Variants in C9orf153 observed in about 807,000 individuals in gnomAD.
The protein encoded by C9orf153 is chromosome 9 open reading frame 153, also known as uncharacterized protein C9orf153.
Under a neutral mutation model 9.0 loss-of-function variants are expected in C9orf153, and 10 were observed. That is an observed-to-expected ratio of 1.11 (90% CI 0.69 to 1.89). The LOEUF is 1.89. Ranked by LOEUF, C9orf153 falls within the 40% of genes most tolerant of loss-of-function variation. The pLI is 0.00. For synonymous variants in C9orf153, 35 were observed against 37.3 expected, an observed-to-expected ratio of 0.94 and a Z score of 0.23; for missense variants, 108 against 111.0, an observed-to-expected ratio of 0.97 and a Z score of 0.12.
At position 86,227,320 on chromosome 9, in the gene C9orf153, T is replaced by A. The variant is rs181012219; in HGVS notation, c.242+535A>T. On this transcript the variant is annotated intron_variant, in intron 3 of 3. Transcript: ENST00000339137. ...TGCCACCAAGCTCAGCTAATTTTTA[T>A]TTATTTATTTATTTATTTATTTATT... 1,744 of 1,430,434 alleles carry A rather than the reference T, an allele frequency of 1.2e-3. 2 individuals carry two copies. Among genetic ancestry groups the A allele is most frequent in the Non-Finnish European group, 1.5e-3 (1,633 of 1,103,104 alleles). 88.6% of individuals were successfully genotyped at this position (1,430,434 alleles called of 1,614,324 possible). A position where few individuals can be genotyped will look rare whatever the true frequency, so the allele number is the denominator to read the frequency against.
intron 1 of C9orf153, among the ~76,000 whole-genome samples, chr9:86,248,413 C>T (rs1049617691): frequency 4.6e-5 from 7 of 152,164 alleles, no homozygotes; most frequent in Non-Finnish European, 8.8e-5. Flanking sequence ...GGATTACAGG[C>T]GTGAGCCACC....
intron 1 of C9orf153, 61 bp from the exon 2 acceptor site, chr9:86,229,690 AG>A: frequency 1.0e-6 from 1 of 974,910 alleles, no homozygotes; most frequent in Non-Finnish European, 1.6e-6. Context: ...TAGAATACAA[AG>A]GGGGAGGTGA....
rs567798111 is a variant in C9orf153 at position 86,221,474 on chromosome 9, C to T, written c.*214G>A. On this transcript the variant is annotated 3_prime_UTR_variant, in exon 4 of 4. Coordinates refer to ENST00000339137, the MANE Select transcript of C9orf153 (RefSeq NM_001276366.4). ...CAATGCTCTCAAAAGCAAAAATCTA[C>T]GTCCAAAATATTTTAATACACTACA... 104 of 1,250,092 alleles carry T rather than the reference C, an allele frequency of 8.3e-5. No individual in the cohort carries two copies. Among genetic ancestry groups the T allele is most frequent in the South Asian group, 7.3e-4 (27 of 36,936 alleles). The allele number at this position is 1,250,092 out of a possible 1,614,324, so 77.4% of individuals were successfully genotyped here. A position where few individuals can be genotyped will look rare whatever the true frequency, so the allele number is the denominator to read the frequency against.
intron 1 of C9orf153, among the ~76,000 whole-genome samples, chr9:86,255,666 G>A (rs564770904): frequency 1.3e-5 from 2 of 152,078 alleles, no homozygotes; most frequent in South Asian, 4.1e-4. Context: ...CATTCTCTTC[G>A]TAACCTCAAG....
chr9:86,226,971 G>A (rs369345021), intron 3 of C9orf153, among the ~76,000 whole-genome samples: 3 of 152,016 alleles, frequency 2.0e-5, no homozygotes, highest in African/African-American at 7.2e-5. Context: ...TCACCATGTT[G>A]GCCAGGCTGG....
intron 3 of C9orf153, among the ~76,000 whole-genome samples, chr9:86,224,882 A>C (rs1429207578): frequency 7.0e-6 from 1 of 143,154 alleles, no homozygotes; most frequent in Non-Finnish European, 1.5e-5. Context: ...CAGAGGTAGC[A>C]GTGAGCCAAG....
intron 1 of C9orf153, among the ~76,000 whole-genome samples, chr9:86,239,808 C>A (rs912049175): frequency 6.6e-6 from 1 of 152,034 alleles, no homozygotes; most frequent in African/African-American, 2.4e-5. Flanking sequence ...TAAAAGAAAA[C>A]AAAAATCTAG....
chr9:86,236,488 G>A (rs1441107447), intron 1 of C9orf153, among the ~76,000 whole-genome samples: 1 of 149,172 alleles, frequency 6.7e-6, no homozygotes, highest in East Asian at 2.0e-4. Flanking sequence ...GGCAGAGGTT[G>A]CAGTGAGCCG....
intron 1 of C9orf153, among the ~76,000 whole-genome samples, chr9:86,238,969 A>C (rs199762077): frequency 5.2e-4 from 79 of 151,830 alleles, no homozygotes; most frequent in East Asian, 2.1e-3. Flanking sequence ...GTAAAAAAAA[A>C]AAACAAACAT....
At chr9:86,246,909 C>G (rs996399071) in intron 1 of C9orf153, among the ~76,000 whole-genome samples, 4 of 152,182 alleles carry the variant, frequency 2.6e-5, no homozygotes, top group Non-Finnish European at 4.4e-5. Flanking sequence ...GAGTAGCAAG[C>G]CATGGATGAA....
At position 86,229,191 on chromosome 9, in the gene C9orf153, C is replaced by A. The variant is rs371178062; in HGVS notation, c.66+347G>T. On this transcript the variant is annotated intron_variant, in intron 2 of 3. Coordinates refer to ENST00000339137, the MANE Select transcript of C9orf153 (RefSeq NM_001276366.4). ...GAGTTAAATAGTGTGATGTTTGGAC[C>A]GATATCATGAAATCTTTAGCCTGGA... 3.3e-5 allele frequency among the ~76,000 whole-genome samples: 5 copies of A among 149,526 alleles called. No homozygotes were observed. The Admixed American group carries it at 3.3e-4, about 10-fold the overall frequency.
intron 3 of C9orf153, among the ~76,000 whole-genome samples, chr9:86,224,935 C>T (rs183135072): frequency 1.5e-4 from 16 of 104,040 alleles, no homozygotes; most frequent in African/African-American, 4.7e-4. Flanking sequence ...AGCGAGACTC[C>T]GTCTCAAAAA....
chr9:86,259,072 C>T (rs1825189878), intron 1 of C9orf153, among the ~76,000 whole-genome samples: 1 of 151,814 alleles, frequency 6.6e-6, no homozygotes, highest in Admixed American at 6.6e-5. Context: ...TTCTGTCACC[C>T]CAGCTGGAGT....
At chr9:86,230,260 C>A (rs1824441192) in intron 1 of C9orf153, among the ~76,000 whole-genome samples, 1 of 152,152 alleles carries the variant, frequency 6.6e-6, no homozygotes, top group South Asian at 2.1e-4. Context: ...AGTTTTAATA[C>A]TAGTGTAACA....
chr9:86,230,592 C>G (rs192997501), intron 1 of C9orf153, among the ~76,000 whole-genome samples: 1 of 152,188 alleles, frequency 6.6e-6, no homozygotes, highest in African/African-American at 2.4e-5. Flanking sequence ...TGGGCCACCA[C>G]GCCCAGCTGG....
chr9:86,246,511 C>T (rs1046816648), intron 1 of C9orf153, among the ~76,000 whole-genome samples: 36 of 152,144 alleles, frequency 2.4e-4, no homozygotes, highest in African/African-American at 7.5e-4. Context: ...CCCTCGGGGC[C>T]GCAAGCAGCC....
intron 1 of C9orf153, among the ~76,000 whole-genome samples, chr9:86,242,860 G>A (rs1225843367): frequency 6.6e-6 from 1 of 151,974 alleles, no homozygotes; most frequent in African/African-American, 2.4e-5. Flanking sequence ...TGTATTTTTA[G>A]TAGAGACGGG....
rs1260295191 is a variant in C9orf153 at position 86,221,610 on chromosome 9, T to G, written c.*78A>C. On this transcript the variant is annotated 3_prime_UTR_variant, in exon 4 of 4. Transcript: ENST00000339137. ...AATAACGTCAGGCATGTCCTGGCTC[T>G]CTACAAATCTCTTCTCAGTGTTGTA... 2.2e-5 allele frequency: 33 copies of G among 1,497,706 alleles called. No individual in the cohort carries two copies. In the South Asian group the frequency reaches 3.1e-4, roughly 14 times the overall value. 92.8% of individuals were successfully genotyped at this position (1,497,706 alleles called of 1,614,324 possible). A position where few individuals can be genotyped will look rare whatever the true frequency, so the allele number is the denominator to read the frequency against.
chr9:86,221,903 G>A (rs950487726), intron 3 of C9orf153, among the ~76,000 whole-genome samples, 170 bp from the exon 4 acceptor site: 7 of 151,736 alleles, frequency 4.6e-5, no homozygotes, highest in African/African-American at 1.7e-4. Flanking sequence ...TATTTATTTT[G>A]AGACGGAGTT....
Sources: allele counts gnomAD v4.1 joint callset (sites outside exome capture counted in the v4.1 genomes callset), GRCh38; gene constraint gnomAD v4.1.1; transcripts MANE v1.5; gene names NCBI Gene and HGNC (gene_info 2026-07-23, HGNC 2026-07-21).